The following NPR3 variants were observed in gnomAD, a reference collection of about 807,000 sequenced individuals.
NPR3 encodes atrial natriuretic peptide receptor 3.
Under a neutral mutation model 54.5 loss-of-function variants are expected in NPR3, and 34 were observed. The observed-to-expected ratio is 0.62, with a 90% CI of 0.47 to 0.83. The LOEUF is 0.83. Ranked by LOEUF, NPR3 falls within the 40% of genes least tolerant of loss-of-function variation. The pLI is 0.00. For missense variants in NPR3, 674 were observed against 720.8 expected, an observed-to-expected ratio of 0.94 and a Z score of 0.74; for synonymous variants, 289 against 297.1, an observed-to-expected ratio of 0.97 and a Z score of 0.28.
chr5:32,777,372 C>T (rs1320478820), intron 4 of NPR3, among the ~76,000 whole-genome samples: 2 of 152,226 alleles, frequency 1.3e-5, no homozygotes, highest in African/African-American at 4.8e-5. Context: ...CTGAGCTTCT[C>T]TTTCTTCACC....
intron 7 of NPR3, among the ~76,000 whole-genome samples, chr5:32,785,724 G>A (rs1234846619): frequency 6.6e-6 from 1 of 152,218 alleles, no homozygotes; most frequent in African/African-American, 2.4e-5. Flanking sequence ...GTACGTGTGT[G>A]CACTGGTACT....
At chr5:32,745,328 A>G (rs191939885) in intron 3 of NPR3, among the ~76,000 whole-genome samples, 2 of 152,174 alleles carry the variant, frequency 1.3e-5, no homozygotes, top group African/African-American at 2.4e-5. Flanking sequence ...TATGGCTCAG[A>G]CAAGTTTTTG....
chr5:32,724,852 T>C, intron 2 of NPR3, 32 bp downstream of exon 2: 1 of 1,612,928 alleles, frequency 6.2e-7, no homozygotes, highest in Non-Finnish European at 8.5e-7. Context: ...CCTCCTCTGC[T>C]AGGGTTCCAA....
chr5:32,717,870 T>A (rs1738641482), intron 1 of NPR3, among the ~76,000 whole-genome samples: 2 of 152,214 alleles, frequency 1.3e-5, no homozygotes, highest in Non-Finnish European at 2.9e-5. Context: ...TTAGGTCCCA[T>A]TTATCTATTT....
intron 1 of NPR3, among the ~76,000 whole-genome samples, chr5:32,724,186 C>T (rs567332498): frequency 6.6e-6 from 1 of 152,180 alleles, no homozygotes; most frequent in African/African-American, 2.4e-5. Context: ...TCATAATGCC[C>T]TTTATAGCAA....
At chr5:32,741,202 G>C (rs1247157963) in intron 3 of NPR3, among the ~76,000 whole-genome samples, 1 of 152,032 alleles carries the variant, frequency 6.6e-6, no homozygotes, top group East Asian at 1.9e-4. Context: ...GCAATTGCTT[G>C]AGCTCAGGAG....
At chr5:32,744,149 C>A (rs937573023) in intron 3 of NPR3, among the ~76,000 whole-genome samples, 2 of 152,152 alleles carry the variant, frequency 1.3e-5, no homozygotes, top group Non-Finnish European at 2.9e-5. Context: ...CGTGCCGCCA[C>A]GCCTGGCTAA....
chr5:32,741,883 G>A (rs192841686), intron 3 of NPR3, among the ~76,000 whole-genome samples: 167 of 151,594 alleles, frequency 1.1e-3, no homozygotes, highest in African/African-American at 3.9e-3. Flanking sequence ...ACACCACCAC[G>A]CCTGGCTGAG....
At chr5:32,710,818 G>A (rs2111833754), upstream of NPR3, 2 of 1,467,240 alleles carry the variant, frequency 1.4e-6, no homozygotes, top group Non-Finnish European at 1.8e-6. Flanking sequence ...TTTTTGCACC[G>A]AAACCACAAT....
At chr5:32,737,237 T>C (rs72740653) in intron 2 of NPR3, among the ~76,000 whole-genome samples, 3,731 of 152,312 alleles carry the variant, frequency 0.024, 70 homozygotes, top group Non-Finnish European at 0.037. Flanking sequence ...TGTTTCTTTG[T>C]ACCCCCCATA....
Position 32,728,835 on chromosome 5 carries a change from GTGTA to G in NPR3, c.892+4017_892+4020del, listed in dbSNP as rs1167669488. 4.6e-3 allele frequency among the ~76,000 whole-genome samples: 277 copies of G among 60,592 alleles called. 2 individuals are homozygous for G. Among genetic ancestry groups the G allele is most frequent in the African/African-American group, 9.0e-3 (152 of 16,802 alleles). 39.8% of individuals were successfully genotyped at this position (60,592 alleles called of 152,430 possible). On this transcript the variant is annotated intron_variant, in intron 2 of 7. Coordinates refer to ENST00000265074, the MANE Select transcript of NPR3 (RefSeq NM_001204375.2). ...AATATTTGTGTGTGTGTGTGTGTGTGTGTATATATATATATATATATATATATAT... is the reference window on the plus strand; with the variant it reads ...AATATTTGTGTGTGTGTGTGTGTGTGTATATATATATATATATATATATAT...
chr5:32,738,932 A>T lies in NPR3; in HGVS notation c.961A>T (p.Thr321Ser), dbSNP rs781581379. 4 of 1,613,818 alleles carry T rather than the reference A, an allele frequency of 2.5e-6. No individual in the cohort carries two copies. The East Asian group carries it at 8.9e-5, about 36-fold the overall frequency. Residue 321 changes from threonine to serine, a missense_variant, in exon 3 of 8, where the codon ACA (threonine) becomes TCA (serine). Thr to Ser is a moderately conservative substitution (Grantham distance 58). Coordinates refer to ENST00000265074, the MANE Select transcript of NPR3 (RefSeq NM_001204375.2). Reference sequence around the variant, plus strand: ...TAAGCAAGCATACTCGTCCCTCCAGACAGTCACTCTACTGAGGACAGTGAA... The same window carrying T: ...TAAGCAAGCATACTCGTCCCTCCAGTCAGTCACTCTACTGAGGACAGTGAA... ...EAKQAYSSLQ[T>S]VTLLRTVKPE... is the part of the protein sequence containing the mutation.
intron 3 of NPR3, among the ~76,000 whole-genome samples, chr5:32,763,827 A>C (rs1741301829): frequency 1.3e-5 from 2 of 152,200 alleles, no homozygotes; most frequent in South Asian, 4.1e-4. Flanking sequence ...GATTGTATTC[A>C]GAGTATTTAT....
chr5:32,773,487 T>C (rs1561127292), intron 3 of NPR3, among the ~76,000 whole-genome samples: 1 of 152,268 alleles, frequency 6.6e-6, no homozygotes, highest in East Asian at 1.9e-4. Flanking sequence ...TCCATCTTGG[T>C]GTGACCCTGT....
At position 32,712,395 on chromosome 5, in the gene NPR3, G is replaced by T; in HGVS notation, c.619G>T (p.Asp207Tyr). Residue 207 changes from aspartate (D) to tyrosine (Y), a missense_variant, in exon 1 of 8, where the codon GAC becomes TAC. Coordinates refer to ENST00000265074, the MANE Select transcript of NPR3 (RefSeq NM_001204375.2). Reference protein sequence around the residue: ...WSRAALVYSDDKLERNCYFTL... With the variant: ...WSRAALVYSDYKLERNCYFTL... ...CCGCGCTGCACTGGTCTACAGCGAC[G>T]ACAAGCTGGAGCGGAACTGCTACTT... The T allele has an allele frequency of 6.2e-7, 1 of 1,613,316 alleles. No individual in the cohort carries two copies. Among genetic ancestry groups the T allele is most frequent in the Non-Finnish European group, 8.5e-7 (1 of 1,179,582 alleles).
chr5:32,721,394 G>C (rs1738852039), intron 1 of NPR3, among the ~76,000 whole-genome samples: 1 of 152,226 alleles, frequency 6.6e-6, no homozygotes, highest in Admixed American at 6.5e-5. Flanking sequence ...GGGCGTGGTG[G>C]CTCATGCCTG....
In NPR3 at chr5:32,739,015, C is replaced by A; in HGVS notation, c.1044C>A (p.Leu348=). ...EVKSSVEKQG[L]NMEDYVNMFV... is the part of the protein sequence containing the mutation. Reference sequence around the variant, plus strand: ...AAAGTTCAGTTGAGAAACAAGGGCTCAATATGGAGGATTACGTAAGTGCCT... The same window carrying A: ...AAAGTTCAGTTGAGAAACAAGGGCTAAATATGGAGGATTACGTAAGTGCCT... Residue 348 remains leucine, a synonymous_variant, in exon 3 of 8, where the codon CTC becomes CTA. Coordinates refer to ENST00000265074, the MANE Select transcript of NPR3 (RefSeq NM_001204375.2). 2 of 1,613,814 alleles carry A rather than the reference C, an allele frequency of 1.2e-6. No homozygotes were observed. The highest frequency in any genetic ancestry group is 1.7e-6 in the Non-Finnish European group (2 of 1,179,828).
intron 2 of NPR3, 98 bp downstream of exon 2, chr5:32,724,918 A>C (rs1739060227): frequency 3.0e-6 from 4 of 1,328,040 alleles, no homozygotes; most frequent in Non-Finnish European, 4.2e-6. Context: ...TGTGGTACAT[A>C]AACACCATGG....
In NPR3 at chr5:32,787,451, G is replaced by A. The variant is rs1421097427; in HGVS notation, c.*1106G>A. ...TATTAGAATTAAACAGTTTTATAAA[G>A]GGAGGCAGCCCTTTTCCCTCAAGAA... On this transcript the variant is annotated 3_prime_UTR_variant, in exon 8 of 8. Coordinates refer to ENST00000265074, the MANE Select transcript of NPR3 (RefSeq NM_001204375.2). 1.3e-5 allele frequency: 2 copies of A among 152,208 alleles called. No individual in the cohort carries two copies. Among genetic ancestry groups the A allele is most frequent in the Non-Finnish European group, 2.9e-5 (2 of 68,042 alleles). The allele number at this position is 152,208 out of a possible 1,614,324, so 9.4% of individuals were successfully genotyped here. A position where few individuals can be genotyped will look rare whatever the true frequency, so the allele number is the denominator to read the frequency against.
Sources: gnomAD v4.1 joint callset for allele counts (sites outside exome capture counted in the v4.1 genomes callset) on GRCh38, gnomAD v4.1.1 for gene constraint, MANE v1.5 for transcripts, NCBI Gene and HGNC (gene_info 2026-07-23, HGNC 2026-07-21) for gene names.